PGAP2: variants seen among roughly 807,000 people sequenced by gnomAD.
PGAP2 encodes post-GPI attachment to proteins 2.
In PGAP2, 21 loss-of-function variants were observed where a neutral mutation model predicts 33.2. That is an observed-to-expected ratio of 0.63 (90% CI 0.45 to 0.91). The LOEUF (loss-of-function observed/expected upper bound fraction) is 0.91, where lower values mean the gene tolerates loss of function less well. Among genes scored for constraint, PGAP2 ranks in the 40% least tolerant of loss-of-function variants. The pLI, the probability that PGAP2 is intolerant of heterozygous loss-of-function variation, is 0.00. For synonymous variants in PGAP2, 161 were observed against 172.9 expected (o/e 0.93, Z 0.54); for missense variants, 345 against 424.0 (o/e 0.81, Z 1.64).
At chr11:3,819,070 A>G (rs2087850202) in intron 3 of PGAP2, among the ~76,000 whole-genome samples, 1 of 152,080 alleles carries the variant, frequency 6.6e-6, no homozygotes, top group African/African-American at 2.4e-5. Flanking sequence ...TTATTTAGAG[A>G]CAGGATCTCA....
At chr11:3,815,175 A>G (rs2086715632) in intron 2 of PGAP2, among the ~76,000 whole-genome samples, 3 of 151,928 alleles carry the variant, frequency 2.0e-5, no homozygotes, top group African/African-American at 7.3e-5. Context: ...TATAGTGAGT[A>G]TGTACTTACT....
Position 3,811,119 on chromosome 11 carries a change from G to A in PGAP2, c.-10-131G>A, listed in dbSNP as rs2085468238. ...CCAGGGCAAGAGCTATCCAAGTTTAGGTGCCTTCCTCCTCAGACTCCCCAC... is the reference window on the plus strand; with the variant it reads ...CCAGGGCAAGAGCTATCCAAGTTTAAGTGCCTTCCTCCTCAGACTCCCCAC... On this transcript the variant is annotated intron_variant, in intron 1 of 6. Transcript: ENST00000278243. This position sits in a 1 kb window ranked among gnomAD's most constrained non-coding sequence, Gnocchi z 4.6. The A allele has an allele frequency of 4.3e-6, 3 of 701,090 alleles. No individual in the cohort carries two copies. Among genetic ancestry groups the A allele is most frequent in the Admixed American group, 2.8e-5 (1 of 35,790 alleles). 43.4% of individuals were successfully genotyped at this position (701,090 alleles called of 1,614,324 possible). A position where few individuals can be genotyped will look rare whatever the true frequency, so the allele number is the denominator to read the frequency against.
upstream of PGAP2, chr11:3,808,270 A>G: frequency 6.4e-7 from 1 of 1,551,446 alleles, no homozygotes; most frequent in Non-Finnish European, 8.7e-7. Flanking sequence ...CCCCTGTTGA[A>G]TTAATTTTGT....
At chr11:3,820,443 T>C (rs1397046028) in intron 3 of PGAP2, among the ~76,000 whole-genome samples, 1 of 152,042 alleles carries the variant, frequency 6.6e-6, no homozygotes, top group Non-Finnish European at 1.5e-5. Flanking sequence ...CTTTGGCAGG[T>C]GAATCACTTA....
upstream of PGAP2, among the ~76,000 whole-genome samples, chr11:3,807,636 A>C (rs1304152582): frequency 6.6e-6 from 1 of 152,052 alleles, no homozygotes; most frequent in Non-Finnish European, 1.5e-5. Flanking sequence ...GGATTAAATA[A>C]ATGAGATAAG....
At position 3,824,726 on chromosome 11, in the gene PGAP2, T is replaced by TC. The variant is rs945077471; in HGVS notation, c.709-289dup. 4.1e-5 allele frequency: 49 copies of TC among 1,190,982 alleles called. No individual in the cohort carries two copies. In the African/African-American group the frequency reaches 7.1e-4, roughly 17 times the overall value. 73.8% of individuals were successfully genotyped at this position (1,190,982 alleles called of 1,614,324 possible). A position where few individuals can be genotyped will look rare whatever the true frequency, so the allele number is the denominator to read the frequency against. On this transcript the variant is annotated intron_variant, in intron 5 of 6. Transcript: ENST00000278243. ...CCCACCCATGTACATGGGTTTCTTT[T>TC]CCCCCACAGTATTTGGAGGTGGGGT... is the stretch of plus-strand genomic sequence containing the variant.
Position 3,811,491 on chromosome 11 carries a change from C to G in PGAP2, c.165+67C>G. 2.1e-6 allele frequency: 3 copies of G among 1,455,078 alleles called. No individual in the cohort carries two copies. Among genetic ancestry groups the G allele is most frequent in the Middle Eastern group, 3.6e-4 (2 of 5,568 alleles). The allele number at this position is 1,455,078 out of a possible 1,614,324, so 90.1% of individuals were successfully genotyped here. On this transcript the variant is annotated intron_variant, in intron 2 of 6. Transcript: ENST00000278243. The surrounding 1 kb of genome is among the most constrained non-coding windows in gnomAD (Gnocchi z 4.6). ...TGGATCTTCTTTAGATCTTGAATAT[C>G]TTTTAACAAGATTAGCCAGCTCTCC...
At chr11:3,814,549 G>T (rs932608732) in intron 2 of PGAP2, among the ~76,000 whole-genome samples, 1 of 151,870 alleles carries the variant, frequency 6.6e-6, no homozygotes, top group African/African-American at 2.4e-5. Context: ...GAGCCACCAT[G>T]CCCAGCCTCT....
chr11:3,816,634 G>A (rs2087085375), intron 2 of PGAP2, among the ~76,000 whole-genome samples: 1 of 152,176 alleles, frequency 6.6e-6, no homozygotes, highest in African/African-American at 2.4e-5. Flanking sequence ...GGGAGGAGAT[G>A]TAGGTCTGGG....
At chr11:3,824,517 G>A in intron 5 of PGAP2, 141 bp downstream of exon 5, 2 of 1,308,624 alleles carry the variant, frequency 1.5e-6, no homozygotes, top group East Asian at 2.5e-5. Context: ...TTGGGGCTGG[G>A]GCTTGGGAAC....
At chr11:3,823,744 T>C (rs754712915) in intron 3 of PGAP2, 139 bp from the exon 4 acceptor site, 3 of 1,598,478 alleles carry the variant, frequency 1.9e-6, no homozygotes, top group Non-Finnish European at 1.7e-6. Context: ...GGGAGAGGTA[T>C]GGGGACATCT....
At chr11:3,812,920 G>C (rs1249572969) in intron 2 of PGAP2, among the ~76,000 whole-genome samples, 2 of 152,184 alleles carry the variant, frequency 1.3e-5, no homozygotes, top group Admixed American at 6.5e-5. Context: ...GCGAACAGGC[G>C]ATCTGAAGGG....
At chr11:3,802,193 G>A (rs1179874119) in intron 1 of PGAP2, among the ~76,000 whole-genome samples, 1 of 151,508 alleles carries the variant, frequency 6.6e-6, no homozygotes, top group Non-Finnish European at 1.5e-5. Flanking sequence ...CATACTTGTG[G>A]AAAGACTGGA....
chr11:3,801,766 G>A (rs10835117), intron 1 of PGAP2, among the ~76,000 whole-genome samples: 98,915 of 151,388 alleles, frequency 0.65, 33,634 homozygotes, highest in East Asian at 0.81. Context: ...CCAACACGGC[G>A]AAACCTCATC....
chr11:3,804,995 C>T (rs1338513119), upstream of PGAP2, among the ~76,000 whole-genome samples: 1 of 152,246 alleles, frequency 6.6e-6, no homozygotes, highest in Non-Finnish European at 1.5e-5. Flanking sequence ...AGCCACCGCA[C>T]CCGGCCCAAG....
rs559032016 is a variant in PGAP2 at position 3,802,975 on chromosome 11, T to C, written c.139+4993T>C. Among the ~76,000 whole-genome samples the C allele has an allele frequency of 4.8e-3, 670 of 141,038 alleles. 11 individuals are homozygous for C. Among genetic ancestry groups the C allele is most frequent in the Non-Finnish European group, 7.3e-3 (474 of 64,636 alleles). The allele number at this position is 141,038 out of a possible 152,430, so 92.5% of individuals were successfully genotyped here. Reference sequence around the variant, plus strand: ...CCGAGTAGCTGGGACTACAGGCGCCTGCCACCACACCCGGCTAATTTTTTT... The same window carrying C: ...CCGAGTAGCTGGGACTACAGGCGCCCGCCACCACACCCGGCTAATTTTTTT... On this transcript the variant is annotated intron_variant, in intron 1 of 6. Transcript: ENST00000300730.
At position 3,811,188 on chromosome 11, in the gene PGAP2, C is replaced by CT; in HGVS notation, c.-10-59dup. On this transcript the variant is annotated intron_variant, in intron 1 of 6. Coordinates refer to ENST00000278243, the MANE Select transcript of PGAP2 (RefSeq NM_014489.4). The surrounding 1 kb of genome is among the most constrained non-coding windows in gnomAD (Gnocchi z 4.6). ...TTTTAGGACTGAGCACAAGGGCTGA[C>CT]TTTATCACTGAGTGCCAGCCTGGCT... 1 of 1,511,920 alleles carries CT rather than the reference C, an allele frequency of 6.6e-7. No homozygotes were observed. Among genetic ancestry groups the CT allele is most frequent in the South Asian group, 1.2e-5 (1 of 81,280 alleles). The allele number at this position is 1,511,920 out of a possible 1,614,324, so 93.7% of individuals were successfully genotyped here. A position where few individuals can be genotyped will look rare whatever the true frequency, so the allele number is the denominator to read the frequency against.
chr11:3,808,530 C>T (rs1326547715), upstream of PGAP2: 1 of 1,400,870 alleles, frequency 7.1e-7, no homozygotes, highest in Non-Finnish European at 9.3e-7. Context: ...CTCTAAGTTC[C>T]GCCCCGAGAG....
intron 3 of PGAP2, among the ~76,000 whole-genome samples, chr11:3,818,747 T>TG (rs1388340863): frequency 1.3e-5 from 2 of 152,226 alleles, no homozygotes; most frequent in Non-Finnish European, 2.9e-5. Flanking sequence ...GGACTTGCCC[T>TG]TAACATCTCA....
Sources: gnomAD v4.1 joint callset for allele counts (sites outside exome capture counted in the v4.1 genomes callset) on GRCh38, gnomAD v4.1.1 for gene constraint, Gnocchi (gnomAD v3.1) non-coding constraint, MANE v1.5 for transcripts, NCBI Gene and HGNC (gene_info 2026-07-23, HGNC 2026-07-21) for gene names.